The following EEFSEC variants were observed in gnomAD, a reference collection of about 807,000 sequenced individuals.
EEFSEC encodes the protein selenocysteine-specific elongation factor.
Under a neutral mutation model 42.1 loss-of-function variants are expected in EEFSEC, and 43 were observed. The observed-to-expected ratio is 1.02, with a 90% CI of 0.80 to 1.32. EEFSEC has a LOEUF of 1.32. Ranked by LOEUF, EEFSEC falls within the 40% of genes most tolerant of loss-of-function variation. The pLI is 0.00. For missense variants in EEFSEC, 745 were observed against 803.6 expected (o/e 0.93, Z 0.88); for synonymous variants, 354 against 339.1 (o/e 1.04, Z -0.48).
chr3:128,200,368 A>C (rs1415970245), intron 1 of EEFSEC, among the ~76,000 whole-genome samples: 2 of 151,876 alleles, frequency 1.3e-5, no homozygotes, highest in Non-Finnish European at 2.9e-5. Context: ...GGCTCACCGC[A>C]ACCTCCGCCT....
At chr3:128,319,941 G>A (rs1157126257) in intron 4 of EEFSEC, among the ~76,000 whole-genome samples, 1 of 152,270 alleles carries the variant, frequency 6.6e-6, no homozygotes, top group Non-Finnish European at 1.5e-5. Flanking sequence ...TACAGCACCT[G>A]CTGCTGGCAG....
At chr3:128,335,635 T>C (rs1164287143) in intron 4 of EEFSEC, among the ~76,000 whole-genome samples, 3 of 152,102 alleles carry the variant, frequency 2.0e-5, no homozygotes, top group Non-Finnish European at 4.4e-5. Flanking sequence ...GGGAGGCCAG[T>C]GGAGAGCCTG....
At chr3:128,335,323 G>GCTA (rs2067177969) in intron 4 of EEFSEC, among the ~76,000 whole-genome samples, 1 of 152,222 alleles carries the variant, frequency 6.6e-6, no homozygotes, top group East Asian at 1.9e-4. Context: ...TGGGCAAGGT[G>GCTA]CTAGAGAGTG....
At chr3:128,263,420 T>C (rs1279795385) in intron 3 of EEFSEC, among the ~76,000 whole-genome samples, 2 of 152,252 alleles carry the variant, frequency 1.3e-5, no homozygotes, top group African/African-American at 2.4e-5. Flanking sequence ...GATTTACACG[T>C]GCTGATCTTG....
chr3:128,246,796 A>C, intron 1 of EEFSEC, 40 bp from the exon 2 acceptor site: 3 of 1,606,416 alleles, frequency 1.9e-6, no homozygotes, highest in Non-Finnish European at 2.6e-6. Context: ...GGGGCTCACC[A>C]CCCCTTTTCC....
intron 1 of EEFSEC, among the ~76,000 whole-genome samples, chr3:128,183,503 A>G (rs2065432157): frequency 6.6e-6 from 1 of 152,202 alleles, no homozygotes; most frequent in Non-Finnish European, 1.5e-5. Flanking sequence ...CTTTAATGTT[A>G]GAGATCATCA....
intron 4 of EEFSEC, among the ~76,000 whole-genome samples, chr3:128,295,678 C>T (rs748936320): frequency 8.0e-5 from 12 of 149,656 alleles, no homozygotes; most frequent in Non-Finnish European, 1.2e-4. Flanking sequence ...GGAGAAGTCA[C>T]GTGGTTCCAT....
the EEFSEC span, among the ~76,000 whole-genome samples, chr3:128,418,022 C>A: frequency 7.2e-5 from 11 of 152,056 alleles, no homozygotes; most frequent in East Asian, 2.1e-3. Flanking sequence ...GTCACTCCTC[C>A]GCTCCCCAAA....
chr3:128,204,724 G>A (rs1036806486), intron 1 of EEFSEC, among the ~76,000 whole-genome samples: 7 of 152,118 alleles, frequency 4.6e-5, no homozygotes, highest in African/African-American at 1.2e-4. Context: ...CTGGGATGCC[G>A]CCTTCCCCAG....
At chr3:128,243,369 A>G (rs1168296371) in intron 1 of EEFSEC, among the ~76,000 whole-genome samples, 1 of 152,224 alleles carries the variant, frequency 6.6e-6, no homozygotes, top group African/African-American at 2.4e-5. Context: ...AATAGGCGTG[A>G]GAAGCAAGAG....
Position 128,358,283 on chromosome 3 carries a change from G to A in EEFSEC, c.1510G>A (p.Val504Met), listed in dbSNP as rs117458735. The change falls in exon 6 of 7, where the codon GTG becomes ATG. Residue 504 changes from valine to methionine, a missense_variant. Physicochemically the swap from Val to Met is conservative, Grantham distance 21. Coordinates refer to ENST00000254730, the MANE Select transcript of EEFSEC (RefSeq NM_021937.5). Reference protein sequence around the residue: ...FKKETNIQLFVGLKVHLSTGE... With the variant: ...FKKETNIQLFMGLKVHLSTGE... ...AAAGGAAACCAACATCCAGCTCTTC[G>A]TGGGGCTCAAGGTGCACTTGTCCAC... is the stretch of plus-strand genomic sequence containing the variant. 2.4e-5 allele frequency: 38 copies of A among 1,614,228 alleles called. No individual in the cohort carries two copies. Among genetic ancestry groups the A allele is most frequent in the Middle Eastern group, 1.6e-4 (1 of 6,062 alleles).
At chr3:128,275,754 G>A (rs1050064979) in intron 4 of EEFSEC, among the ~76,000 whole-genome samples, 1 of 152,242 alleles carries the variant, frequency 6.6e-6, no homozygotes, top group Non-Finnish European at 1.5e-5. Flanking sequence ...GCGAGAGAGT[G>A]TCTGGCATGA....
intron 4 of EEFSEC, among the ~76,000 whole-genome samples, chr3:128,334,920 C>T (rs2067173359): frequency 6.6e-6 from 1 of 152,252 alleles, no homozygotes. Context: ...GCCCTTCTCA[C>T]TGCGTACCCC....
intron 6 of EEFSEC, among the ~76,000 whole-genome samples, chr3:128,396,412 T>C (rs1431454121): frequency 6.6e-6 from 1 of 152,142 alleles, no homozygotes; most frequent in Non-Finnish European, 1.5e-5. Flanking sequence ...CTCTCAATGA[T>C]GGAGTGGATA....
At chr3:128,254,825 T>C (rs1407069596) in intron 2 of EEFSEC, among the ~76,000 whole-genome samples, 1 of 151,980 alleles carries the variant, frequency 6.6e-6, no homozygotes, top group East Asian at 1.9e-4. Flanking sequence ...GCTGGAAGGT[T>C]CTCACAGCTG....
At chr3:128,186,717 G>A (rs1326197458) in intron 1 of EEFSEC, among the ~76,000 whole-genome samples, 1 of 152,202 alleles carries the variant, frequency 6.6e-6, no homozygotes, top group African/African-American at 2.4e-5. Context: ...ACAAAAATCA[G>A]TTGACTGTAA....
At chr3:128,399,353 G>T (rs183242910) in intron 6 of EEFSEC, among the ~76,000 whole-genome samples, 2 of 152,144 alleles carry the variant, frequency 1.3e-5, no homozygotes, top group African/African-American at 4.8e-5. Context: ...CTACGCTTCC[G>T]CCCAATCAAA....
At chr3:128,388,769 G>C (rs2067872634) in intron 6 of EEFSEC, among the ~76,000 whole-genome samples, 1 of 152,260 alleles carries the variant, frequency 6.6e-6, no homozygotes, top group South Asian at 2.1e-4. Flanking sequence ...TAGCCCCTGA[G>C]CCCTTGCAGG....
chr3:128,263,838 G>A (rs1007040141), intron 3 of EEFSEC, among the ~76,000 whole-genome samples: 2 of 152,206 alleles, frequency 1.3e-5, no homozygotes, highest in South Asian at 4.1e-4. Context: ...GGCTGGTGAG[G>A]CTGAGGCGTG....
Sources: gnomAD v4.1 joint callset for allele counts (sites outside exome capture counted in the v4.1 genomes callset) on GRCh38, gnomAD v4.1.1 for gene constraint, MANE v1.5 for transcripts, NCBI Gene and HGNC (gene_info 2026-07-23, HGNC 2026-07-21) for gene names.